The following PARP15 variants were observed in gnomAD, a reference collection of about 807,000 sequenced individuals.
The protein encoded by PARP15 is protein mono-ADP-ribosyltransferase PARP15.
PARP15 carries 50 observed loss-of-function variants against 62.1 expected under a neutral mutation model. The ratio of observed to expected loss-of-function variants is 0.81; its 90% CI spans 0.64 to 1.02. PARP15 has a LOEUF of 1.02. Among genes scored for constraint, PARP15 ranks in the 50% least tolerant of loss-of-function variants. The probability of loss-of-function intolerance (pLI) is 0.00; values close to 1 mark genes in which losing one functional copy is unlikely to be tolerated. For missense variants in PARP15, 820 were observed against 826.5 expected, an observed-to-expected ratio of 0.99 and a Z score of 0.10; for synonymous variants, 309 against 293.1, an observed-to-expected ratio of 1.05 and a Z score of -0.55.
chr3:122,591,926 A>G (rs1041099665), intron 1 of PARP15, among the ~76,000 whole-genome samples: 3 of 152,220 alleles, frequency 2.0e-5, no homozygotes, highest in African/African-American at 7.2e-5. Flanking sequence ...TGATTATTAA[A>G]AAGTCAAGAA....
intron 2 of PARP15, among the ~76,000 whole-genome samples, chr3:122,609,924 A>G (rs1422830218): frequency 2.0e-5 from 3 of 152,232 alleles, no homozygotes; most frequent in South Asian, 2.1e-4. Context: ...TGGACAGGCT[A>G]GAATGGATAC....
intron 4 of PARP15, among the ~76,000 whole-genome samples, chr3:122,613,540 CT>C (rs1389643061): frequency 6.6e-6 from 1 of 152,176 alleles, no homozygotes; most frequent in Non-Finnish European, 1.5e-5. Flanking sequence ...CATTTTAACA[CT>C]GACTACATGA....
At chr3:122,633,145 G>T (rs537556584) in intron 10 of PARP15, among the ~76,000 whole-genome samples, 1 of 152,110 alleles carries the variant, frequency 6.6e-6, no homozygotes, top group Non-Finnish European at 1.5e-5. Context: ...CACTTATAAG[G>T]TACTTTGATA....
chr3:122,594,376 G>A (rs932416910), intron 1 of PARP15: 1 of 223,844 alleles, frequency 4.5e-6, no homozygotes, highest in Non-Finnish European at 7.5e-6. Context: ...AGTTTGTATG[G>A]GAGACAAAGA....
chr3:122,603,364 A>AAAT (rs926758988), intron 1 of PARP15, among the ~76,000 whole-genome samples: 2 of 152,200 alleles, frequency 1.3e-5, no homozygotes, highest in African/African-American at 4.8e-5. Context: ...GACCGAAAAA[A>AAAT]AATCAGTGTC....
rs1057054473 is a variant in PARP15 at position 122,615,384 on chromosome 3, G to T, written c.772-395G>T. 1.5e-5 allele frequency: 19 copies of T among 1,297,964 alleles called. No individual in the cohort carries two copies. The Admixed American group carries it at 4.4e-4, about 30-fold the overall frequency. 80.4% of individuals were successfully genotyped at this position (1,297,964 alleles called of 1,614,324 possible). A position where few individuals can be genotyped will look rare whatever the true frequency, so the allele number is the denominator to read the frequency against. ...ACAGCCAAAGATGCCAAGGAACGTT[G>T]TTGCCCTGCCCCCTGCTCACCTACA... On this transcript the variant is annotated intron_variant, in intron 4 of 11. Coordinates refer to ENST00000464300, the MANE Select transcript of PARP15 (RefSeq NM_001113523.3).
chr3:122,630,450 C>T (rs1937001117), intron 9 of PARP15, among the ~76,000 whole-genome samples: 1 of 152,074 alleles, frequency 6.6e-6, no homozygotes, highest in African/African-American at 2.4e-5. Flanking sequence ...TTCAGAAGGC[C>T]AAGGCAGGAG....
In PARP15 at chr3:122,577,817, G is replaced by A; in HGVS notation, c.150G>A (p.Ala50=). The part of the protein sequence containing the change: ...GSVLPAGNRG[A]RKASRRSSSR... ...TGCTGCCGGCCGGGAACCGTGGGGC[G>A]CGGAAGGCCTCCCGGCGCTCTTCCT... Residue 50 remains alanine, a synonymous_variant, in exon 1 of 12, where the codon GCG becomes GCA. Transcript: ENST00000464300. 6.4e-7 allele frequency: 1 copy of A among 1,550,658 alleles called. No individual in the cohort carries two copies. Among genetic ancestry groups the A allele is most frequent in the Non-Finnish European group, 8.7e-7 (1 of 1,146,484 alleles).
At chr3:122,621,674 A>C in intron 8 of PARP15, 63 bp downstream of exon 8, 48 of 1,435,400 alleles carry the variant, frequency 3.3e-5, no homozygotes, top group Non-Finnish European at 4.2e-5. Flanking sequence ...AATTAGTCTC[A>C]CTCTTAAGCA....
intron 1 of PARP15, 31 bp downstream of exon 1, chr3:122,577,884 G>C: frequency 6.6e-7 from 1 of 1,514,798 alleles, no homozygotes; most frequent in South Asian, 1.3e-5. Context: ...GTGCGGGAAG[G>C]GGACAGCAGG....
intron 1 of PARP15, among the ~76,000 whole-genome samples, chr3:122,587,259 T>C (rs1288542586): frequency 6.6e-6 from 1 of 152,240 alleles, no homozygotes; most frequent in Non-Finnish European, 1.5e-5. Flanking sequence ...TATAAATATT[T>C]ATGTGCAGAT....
chr3:122,589,953 T>C (rs542144193), intron 1 of PARP15, among the ~76,000 whole-genome samples: 1 of 149,528 alleles, frequency 6.7e-6, no homozygotes, highest in East Asian at 2.0e-4. Flanking sequence ...TGGCACAATC[T>C]TGGCTCACTG....
At position 122,630,801 on chromosome 3, in the gene PARP15, G is replaced by T. The variant is rs149055129; in HGVS notation, c.1439-1285G>T. 2.8e-3 allele frequency among the ~76,000 whole-genome samples: 422 copies of T among 152,222 alleles called. 2 individuals are homozygous for T. The highest frequency in any genetic ancestry group is 1.0e-2 in the African/African-American group (415 of 41,528). On this transcript the variant is annotated intron_variant, in intron 9 of 11. Coordinates refer to ENST00000464300, the MANE Select transcript of PARP15 (RefSeq NM_001113523.3). Reference sequence around the variant, plus strand: ...CAAAAGACTTGGCATTTCCTAAAGCGCTTTCAGACTCCTTACTATATTTTA... The same window carrying T: ...CAAAAGACTTGGCATTTCCTAAAGCTCTTTCAGACTCCTTACTATATTTTA...
chr3:122,621,628 T>C lies in PARP15; in HGVS notation c.1231+17T>C. 1 of 1,562,756 alleles carries C rather than the reference T, an allele frequency of 6.4e-7. No individual in the cohort carries two copies. The highest frequency in any genetic ancestry group is 8.6e-7 in the Non-Finnish European group (1 of 1,158,490). ...TTGGAACAGGTTTGCAGCTTATCATTCTATAATAAAATTTGAGTGATACAA... is the reference window on the plus strand; with the variant it reads ...TTGGAACAGGTTTGCAGCTTATCATCCTATAATAAAATTTGAGTGATACAA... On this transcript the variant is annotated intron_variant, in intron 8 of 11. Coordinates refer to ENST00000464300, the MANE Select transcript of PARP15 (RefSeq NM_001113523.3).
chr3:122,599,478 C>T (rs1934619822), intron 1 of PARP15, among the ~76,000 whole-genome samples: 1 of 152,022 alleles, frequency 6.6e-6, no homozygotes, highest in South Asian at 2.1e-4. Flanking sequence ...TCTCCCCTCT[C>T]TCTCTTTCTT....
chr3:122,627,424 G>A (rs1327626634), intron 9 of PARP15, among the ~76,000 whole-genome samples: 1 of 152,166 alleles, frequency 6.6e-6, no homozygotes, highest in Non-Finnish European at 1.5e-5. Flanking sequence ...AGACATGTTA[G>A]CCTGGAATAG....
At position 122,605,936 on chromosome 3, in the gene PARP15, T is replaced by C. The variant is rs772107285; in HGVS notation, c.187T>C (p.Ser63Pro). 4 of 1,551,076 alleles carry C rather than the reference T, an allele frequency of 2.6e-6. No homozygotes were observed. Among genetic ancestry groups the C allele is most frequent in the African/African-American group, 1.4e-5 (1 of 73,016 alleles). ...ASRRSSSRSM[S>P]RDNKFSKKDC... is the part of the protein sequence containing the mutation. ...TAATGCTTTACTGTTTTCTCCACAG[T>C]CCAGAGACAACAAGTTCAGCAAGAA... Residue 63 changes from serine to proline, a missense_variant and splice_region_variant, in exon 2 of 12, where the codon TCC becomes CCC. Coordinates refer to ENST00000464300, the MANE Select transcript of PARP15 (RefSeq NM_001113523.3).
chr3:122,615,572 C>A, intron 4 of PARP15: 1 of 1,239,734 alleles, frequency 8.1e-7, no homozygotes, highest in South Asian at 1.6e-5. Flanking sequence ...TGTTAGTTTA[C>A]TCACAAAGTA....
At chr3:122,620,701 T>A (rs925154107) in intron 7 of PARP15, among the ~76,000 whole-genome samples, 1 of 102,440 alleles carries the variant, frequency 9.8e-6, no homozygotes, top group South Asian at 2.9e-4. Flanking sequence ...CTGGACAAGC[T>A]GGAAAAGCCT....
Sources: allele counts gnomAD v4.1 joint callset (sites outside exome capture counted in the v4.1 genomes callset), GRCh38; gene constraint gnomAD v4.1.1; transcripts MANE v1.5; gene names NCBI Gene and HGNC (gene_info 2026-07-23, HGNC 2026-07-21).